Variants in CERS6 observed in about 807,000 individuals in gnomAD.
CERS6 encodes ceramide synthase 6, also known as LAG1 homolog, ceramide synthase 6.
Under a neutral mutation model 56.8 loss-of-function variants are expected in CERS6, and 26 were observed. That is an observed-to-expected ratio of 0.46 (90% CI 0.34 to 0.63). CERS6 has a LOEUF of 0.63. Ranked by LOEUF, CERS6 falls within the 30% of genes least tolerant of loss-of-function variation. The pLI, the probability that CERS6 is intolerant of heterozygous loss-of-function variation, is 0.01. For missense variants in CERS6, 415 were observed against 467.5 expected (o/e 0.89, Z 1.04); for synonymous variants, 164 against 173.3 (o/e 0.95, Z 0.42).
intron 1 of CERS6, among the ~76,000 whole-genome samples, chr2:168,533,824 A>G (rs945219527): frequency 1.2e-4 from 18 of 151,720 alleles, no homozygotes; most frequent in Admixed American, 7.9e-4. Flanking sequence ...GCTTGTTTCC[A>G]TTCTCCCCAT....
chr2:168,561,323 G>A lies in CERS6; in HGVS notation c.407+1G>A. 1 of 1,614,016 alleles carries A rather than the reference G, an allele frequency of 6.2e-7. No individual in the cohort carries two copies. Among genetic ancestry groups the A allele is most frequent in the Non-Finnish European group, 8.5e-7 (1 of 1,179,928 alleles). On this transcript the variant is annotated splice_donor_variant, in intron 3 of 9. Coordinates refer to ENST00000305747, the MANE Select transcript of CERS6 (RefSeq NM_203463.3). LOFTEE classifies it high-confidence loss of function. ...CGCTGACGAGGTTCTGTGAGAGCAT[G>A]TAAGTTGCTGTTTTTCTTTTTGAAA...
chr2:168,592,245 G>A (rs1265863557), intron 3 of CERS6, among the ~76,000 whole-genome samples: 1 of 152,160 alleles, frequency 6.6e-6, no homozygotes, highest in East Asian at 1.9e-4. Flanking sequence ...AGACTGGAGA[G>A]AGTGGACTGA....
chr2:168,715,008 G>T lies in CERS6; in HGVS notation c.617G>T (p.Gly206Val), dbSNP rs1376988752. ...QFTDIKRKDF[G>V]IMFLHHLVSI... ...GTTTCTTCTTTCCTCAAGGACTTTG[G>T]CATTATGTTCCTGCACCACCTTGTA... The change falls in exon 7 of 10, where the codon GGC becomes GTC. Residue 206 changes from glycine (G) to valine (V), a missense_variant. By Grantham distance (109) the Gly-to-Val change is moderately radical. Coordinates refer to ENST00000305747, the MANE Select transcript of CERS6 (RefSeq NM_203463.3). 1.9e-6 allele frequency: 3 copies of T among 1,603,128 alleles called. No homozygotes were observed. Among genetic ancestry groups the T allele is most frequent in the East Asian group, 2.2e-5 (1 of 44,546 alleles).
chr2:168,702,121 CAATTCATGGTTG>C (rs1295495697), intron 6 of CERS6, among the ~76,000 whole-genome samples: 1 of 152,060 alleles, frequency 6.6e-6, no homozygotes, highest in Non-Finnish European at 1.5e-5. Flanking sequence ...AAAAAGTTTT[CAATTCATGGTTG>C]AATCCATGAA....
intron 4 of CERS6, among the ~76,000 whole-genome samples, chr2:168,636,888 G>A (rs973036654): frequency 5.9e-5 from 9 of 152,166 alleles, no homozygotes; most frequent in Non-Finnish European, 1.3e-4. Context: ...GTGAGGCCCT[G>A]TAGAGGCCGT....
chr2:168,563,419 C>T (rs1695827594), intron 3 of CERS6, among the ~76,000 whole-genome samples: 1 of 152,212 alleles, frequency 6.6e-6, no homozygotes, highest in Non-Finnish European at 1.5e-5. Flanking sequence ...AACATCATTT[C>T]TTCCCTCAAG....
chr2:168,763,629 T>C (rs1418965040), intron 8 of CERS6, among the ~76,000 whole-genome samples: 1 of 152,136 alleles, frequency 6.6e-6, no homozygotes. Flanking sequence ...CACAATTTAT[T>C]TTATTTAAAT....
At position 168,522,693 on chromosome 2, in the gene CERS6, T is replaced by C. The variant is rs577360076; in HGVS notation, c.171-24903T>C. On this transcript the variant is annotated intron_variant, in intron 1 of 9. Coordinates refer to ENST00000305747, the MANE Select transcript of CERS6 (RefSeq NM_203463.3). Reference sequence around the variant, plus strand: ...AGCTGGGACTACTGGCATGTACCACTGCAACTGGCTAATTTTTAAATAATT... The same window carrying C: ...AGCTGGGACTACTGGCATGTACCACCGCAACTGGCTAATTTTTAAATAATT... Among the ~76,000 whole-genome samples, 29 of 152,240 alleles carry C rather than the reference T, an allele frequency of 1.9e-4. No individual in the cohort carries two copies. In the South Asian group the frequency reaches 5.6e-3, roughly 29 times the overall value.
chr2:168,715,675 T>C (rs1212830652), intron 7 of CERS6, among the ~76,000 whole-genome samples: 5 of 152,126 alleles, frequency 3.3e-5, no homozygotes, highest in East Asian at 3.8e-4. Flanking sequence ...TTGGTTACTA[T>C]TATTTAGAAT....
At chr2:168,715,226 G>A (rs2105389462) in intron 7 of CERS6, 97 bp downstream of exon 7, 1 of 990,628 alleles carries the variant, frequency 1.0e-6, no homozygotes, top group African/African-American at 1.7e-5. Context: ...TGGTGCTTGG[G>A]TACAATAGTA....
chr2:168,507,355 G>C (rs1402573682), intron 1 of CERS6, among the ~76,000 whole-genome samples: 1 of 152,084 alleles, frequency 6.6e-6, no homozygotes, highest in Non-Finnish European at 1.5e-5. Context: ...TCTGCATTCT[G>C]GAAAAGTTCC....
At chr2:168,665,796 G>A (rs183167936) in intron 4 of CERS6, among the ~76,000 whole-genome samples, 79 of 152,280 alleles carry the variant, frequency 5.2e-4, no homozygotes, top group Admixed American at 2.6e-3. Flanking sequence ...GTAAGTGAAC[G>A]AACTACAGTT....
intron 8 of CERS6, among the ~76,000 whole-genome samples, chr2:168,756,001 A>G (rs945034454): frequency 5.3e-5 from 8 of 152,214 alleles, no homozygotes; most frequent in African/African-American, 9.6e-5. Context: ...AAGGAAGCCC[A>G]TGGTAATCTG....
chr2:168,712,130 G>C (rs1687106718), intron 6 of CERS6, among the ~76,000 whole-genome samples: 1 of 152,210 alleles, frequency 6.6e-6, no homozygotes, highest in African/African-American at 2.4e-5. Context: ...AAGGGTTACA[G>C]AGGAAAAGTA....
intron 1 of CERS6, among the ~76,000 whole-genome samples, chr2:168,527,693 G>A (rs955094283): frequency 6.6e-6 from 1 of 152,094 alleles, no homozygotes; most frequent in Non-Finnish European, 1.5e-5. Flanking sequence ...GAGCAAGAGG[G>A]AGTGAACTCA....
chr2:168,666,892 C>T (rs1015905602), intron 4 of CERS6, among the ~76,000 whole-genome samples: 5 of 152,122 alleles, frequency 3.3e-5, no homozygotes, highest in African/African-American at 7.2e-5. Flanking sequence ...AGGGCTCAAA[C>T]GAGTTCTCAT....
intron 1 of CERS6, among the ~76,000 whole-genome samples, chr2:168,488,472 T>G (rs921827351): frequency 9.2e-5 from 14 of 152,168 alleles, no homozygotes; most frequent in Admixed American, 5.9e-4. Flanking sequence ...ATGGGTTTCT[T>G]GTAGGCAGCA....
chr2:168,518,746 T>C (rs1349158645), intron 1 of CERS6, among the ~76,000 whole-genome samples: 1 of 152,184 alleles, frequency 6.6e-6, no homozygotes, highest in Non-Finnish European at 1.5e-5. Context: ...GTTCCAGCTG[T>C]CACTAATACT....
chr2:168,478,223 A>T (rs1423505146), intron 1 of CERS6, among the ~76,000 whole-genome samples: 1 of 151,990 alleles, frequency 6.6e-6, no homozygotes, highest in Non-Finnish European at 1.5e-5. Context: ...CTGTTCTGAG[A>T]GCTGAGCAGT....
Sources: allele counts gnomAD v4.1 joint callset (sites outside exome capture counted in the v4.1 genomes callset), GRCh38; gene constraint gnomAD v4.1.1; transcripts MANE v1.5; gene names NCBI Gene and HGNC (gene_info 2026-07-23, HGNC 2026-07-21).